The following PPP1R36 variants were observed in gnomAD, a reference collection of about 807,000 sequenced individuals.
The protein encoded by PPP1R36 is protein phosphatase 1 regulatory subunit 36.
Under a neutral mutation model 53.4 loss-of-function variants are expected in PPP1R36, and 47 were observed. That is an observed-to-expected ratio of 0.88 (90% CI 0.70 to 1.12). The LOEUF is 1.12. Among genes scored for constraint, PPP1R36 ranks in the 50% most tolerant of loss-of-function variants. PPP1R36 has a pLI of 0.00. For missense variants in PPP1R36, 456 were observed against 513.9 expected (o/e 0.89, Z 1.09); for synonymous variants, 153 against 170.5 (o/e 0.90, Z 0.80).
chr14:64,550,160 AGGC>A lies in PPP1R36; in HGVS notation c.69+97_69+99del, dbSNP rs1260342926. 1.6e-5 allele frequency: 24 copies of A among 1,478,040 alleles called. No individual in the cohort carries two copies. In the Admixed American group the frequency reaches 4.6e-4, roughly 28 times the overall value. The allele number at this position is 1,478,040 out of a possible 1,614,324, so 91.6% of individuals were successfully genotyped here. A position where few individuals can be genotyped will look rare whatever the true frequency, so the allele number is the denominator to read the frequency against. On this transcript the variant is annotated intron_variant, in intron 1 of 11. Coordinates refer to ENST00000298705, the MANE Select transcript of PPP1R36 (RefSeq NM_172365.3). ...CGCCGCGCCCCTCGCCCTCCTCCAGAGGCGGGTCGTCGCCTTCGCCCCGGGCTG... is the reference window on the plus strand; with the variant it reads ...CGCCGCGCCCCTCGCCCTCCTCCAGAGGGTCGTCGCCTTCGCCCCGGGCTG...
intron 3 of PPP1R36, among the ~76,000 whole-genome samples, chr14:64,555,352 T>A (rs1373731959): frequency 6.6e-6 from 1 of 152,204 alleles, no homozygotes. Flanking sequence ...GAAGATTCAA[T>A]TGATAAATAA....
At chr14:64,579,116 G>A (rs558358243) in intron 8 of PPP1R36, among the ~76,000 whole-genome samples, 143 of 152,300 alleles carry the variant, frequency 9.4e-4, no homozygotes, top group African/African-American at 3.4e-3. Flanking sequence ...CACTTGAGGT[G>A]GGAATGGTAG....
chr14:64,552,490 AAAAT>A (rs145041636), intron 2 of PPP1R36, among the ~76,000 whole-genome samples: 8,274 of 152,148 alleles, frequency 0.054, 314 homozygotes, highest in Non-Finnish European at 0.085. Context: ...CTCCATCTCA[AAAAT>A]AAATAAATAA....
chr14:64,587,402 G>T, intron 10 of PPP1R36, 30 bp downstream of exon 10: 1 of 1,352,846 alleles, frequency 7.4e-7, no homozygotes, highest in Non-Finnish European at 9.9e-7. Context: ...CTATGCTCAG[G>T]GGTATTTCTT....
In PPP1R36 at chr14:64,566,421, C is replaced by T. The variant is rs201642240; in HGVS notation, c.434+729C>T. Among the ~76,000 whole-genome samples the T allele has an allele frequency of 2.9e-4, 42 of 143,028 alleles. 2 individuals carry two copies. In the East Asian group the frequency reaches 8.1e-3, roughly 27 times the overall value. 93.8% of individuals were successfully genotyped at this position (143,028 alleles called of 152,430 possible). The stretch of plus-strand genomic sequence containing the variant: ...TCATGCCATTGCACTTCAGCCTGGG[C>T]GACAGAGCAAGACTCCCTCTCAAAA... On this transcript the variant is annotated intron_variant, in intron 6 of 11. Coordinates refer to ENST00000298705, the MANE Select transcript of PPP1R36 (RefSeq NM_172365.3).
chr14:64,577,266 G>A (rs759727143), intron 8 of PPP1R36, among the ~76,000 whole-genome samples: 13 of 152,152 alleles, frequency 8.5e-5, no homozygotes, highest in Non-Finnish European at 1.9e-4. Flanking sequence ...CTCACATCCT[G>A]AGACCATCAC....
In PPP1R36 at chr14:64,587,259, T is replaced by G; in HGVS notation, c.777T>G (p.Ile259Met). Residue 259 changes from isoleucine to methionine, a missense_variant, in exon 10 of 12, where the codon ATT becomes ATG. Ile to Met is a conservative substitution (Grantham distance 10). Coordinates refer to ENST00000298705, the MANE Select transcript of PPP1R36 (RefSeq NM_172365.3). ...TCCGACGTCAACACTTGACAGAGAT[T>G]GAAGAAGAAGTAGGGAGACTCTTTC... Reference protein sequence around the residue: ...IVFRRQHLTEIEEEVGRLFRT... With the variant: ...IVFRRQHLTEMEEEVGRLFRT... The G allele has an allele frequency of 8.7e-6, 14 of 1,613,660 alleles. No homozygotes were observed. Among genetic ancestry groups the G allele is most frequent in the Non-Finnish European group, 1.2e-5 (14 of 1,179,604 alleles).
chr14:64,559,337 A>T (rs2080185202), intron 3 of PPP1R36: 1 of 152,272 alleles, frequency 6.6e-6, no homozygotes, highest in African/African-American at 2.4e-5. Flanking sequence ...TTTCCCTGGG[A>T]TTGCTGCTCT....
chr14:64,551,815 G>A, intron 2 of PPP1R36: 1 of 344,892 alleles, frequency 2.9e-6, no homozygotes, highest in South Asian at 2.3e-5. Context: ...TCATCCTCAG[G>A]TCTCTGGAGC....
chr14:64,570,999 C>T (rs910023207), intron 7 of PPP1R36, among the ~76,000 whole-genome samples: 1 of 152,206 alleles, frequency 6.6e-6, no homozygotes, highest in Admixed American at 6.5e-5. Flanking sequence ...AAGGCTTGTG[C>T]CTTAATCACT....
intron 11 of PPP1R36, 34 bp from the exon 12 acceptor site, chr14:64,589,118 A>T: frequency 1.9e-6 from 3 of 1,573,344 alleles, no homozygotes; most frequent in Non-Finnish European, 2.6e-6. Context: ...CTTTGGCCTC[A>T]TCACTTCAGC....
At position 64,587,891 on chromosome 14, in the gene PPP1R36, G is replaced by A. The variant is rs375366958; in HGVS notation, c.891-213G>A. Among the ~76,000 whole-genome samples, 10 of 152,106 alleles carry A rather than the reference G, an allele frequency of 6.6e-5. No homozygotes were observed. In the East Asian group the frequency reaches 1.7e-3, roughly 26 times the overall value. On this transcript the variant is annotated intron_variant, in intron 10 of 11. Transcript: ENST00000298705. ...CTCCTGTAGCTAGGACTGCAGGCAT[G>A]CTGTCTCACCTGGCTACTTTTTAAA... is the stretch of plus-strand genomic sequence containing the variant.
chr14:64,587,395 T>C (rs1227271963), intron 10 of PPP1R36, 23 bp downstream of exon 10: 3 of 1,412,796 alleles, frequency 2.1e-6, no homozygotes, highest in Non-Finnish European at 2.8e-6. Flanking sequence ...GACTTTCCTA[T>C]GCTCAGGGGT....
intron 11 of PPP1R36, 48 bp downstream of exon 11, chr14:64,588,343 A>C: frequency 2.6e-6 from 4 of 1,532,924 alleles, no homozygotes; most frequent in Non-Finnish European, 3.5e-6. Flanking sequence ...GTGGCATCCC[A>C]GGTGGGGCTG....
At chr14:64,559,120 C>G (rs913026732) in intron 3 of PPP1R36, among the ~76,000 whole-genome samples, 1 of 152,104 alleles carries the variant, frequency 6.6e-6, no homozygotes, top group African/African-American at 2.4e-5. Context: ...GAAGGTGGGA[C>G]TGGGATCAAG....
At chr14:64,570,128 A>T (rs774307205) in intron 7 of PPP1R36, among the ~76,000 whole-genome samples, 21 of 152,178 alleles carry the variant, frequency 1.4e-4, no homozygotes, top group Non-Finnish European at 2.5e-4. Context: ...TATAAGGTAG[A>T]CTGTTCCTTA....
At position 64,577,718 on chromosome 14, in the gene PPP1R36, C is replaced by CTTTTTTTTTTTTTT. The variant is rs10667127; in HGVS notation, c.668+3141_668+3154dup. Among the ~76,000 whole-genome samples, 3 of 94,448 alleles carry CTTTTTTTTTTTTTT rather than the reference C, an allele frequency of 3.2e-5. 1 individual carries two copies. Among genetic ancestry groups the CTTTTTTTTTTTTTT allele is most frequent in the Admixed American group, 3.0e-4 (2 of 6,600 alleles). 62.0% of individuals were successfully genotyped at this position (94,448 alleles called of 152,430 possible). A position where few individuals can be genotyped will look rare whatever the true frequency, so the allele number is the denominator to read the frequency against. ...TTTTTAAGCTTTGCTGCCATGATTA[C>CTTTTTTTTTTTTTT]TTTTTTTTTTTTTTTTTTTTTTTTT... On this transcript the variant is annotated intron_variant, in intron 8 of 11. Transcript: ENST00000298705.
chr14:64,566,293 A>T (rs1446930158), intron 6 of PPP1R36, among the ~76,000 whole-genome samples: 2 of 151,830 alleles, frequency 1.3e-5, no homozygotes, highest in East Asian at 3.9e-4. Context: ...AAATACAAAC[A>T]TTAGCCAGGC....
At chr14:64,588,928 G>A (rs2080460703) in intron 11 of PPP1R36, among the ~76,000 whole-genome samples, 1 of 152,116 alleles carries the variant, frequency 6.6e-6, no homozygotes, top group South Asian at 2.1e-4. Flanking sequence ...TGTGGGAAGC[G>A]CTAGTACAAA....
Sources: gnomAD v4.1 joint callset for allele counts (sites outside exome capture counted in the v4.1 genomes callset) on GRCh38, gnomAD v4.1.1 for gene constraint, MANE v1.5 for transcripts, NCBI Gene and HGNC (gene_info 2026-07-23, HGNC 2026-07-21) for gene names.